RUVBL1: variants seen among roughly 807,000 people sequenced by gnomAD.
The protein encoded by RUVBL1 is ruvB-like 1.
Under a neutral mutation model 52.4 loss-of-function variants are expected in RUVBL1, and 4 were observed. The observed-to-expected ratio is 0.08, with a 90% CI of 0.04 to 0.17. The LOEUF is 0.17. Ranked by LOEUF, RUVBL1 falls within the 10% of genes least tolerant of loss-of-function variation. RUVBL1 has a pLI of 1.00. For missense variants in RUVBL1, 298 were observed against 572.8 expected (o/e 0.52, Z 4.90); for synonymous variants, 217 against 214.4 (o/e 1.01, Z -0.10).
At chr3:128,127,292 A>G (rs1195797997), upstream of RUVBL1, among the ~76,000 whole-genome samples, 2 of 152,244 alleles carry the variant, frequency 1.3e-5, no homozygotes, top group Non-Finnish European at 2.9e-5. Context: ...CTGAAAATCC[A>G]TATCAATGTA....
At chr3:128,141,441 T>C (rs1402811295) in intron 1 of RUVBL1, among the ~76,000 whole-genome samples, 1 of 151,478 alleles carries the variant, frequency 6.6e-6, no homozygotes, top group Non-Finnish European at 1.5e-5. Context: ...GGGAGGGGCA[T>C]AACACATGGT....
chr3:128,143,802 G>A (rs1298457494), intron 1 of RUVBL1, among the ~76,000 whole-genome samples: 1 of 152,164 alleles, frequency 6.6e-6, no homozygotes, highest in Non-Finnish European at 1.5e-5. Flanking sequence ...GCTCATCCCT[G>A]GAACTGAGAC....
chr3:128,104,717 A>G, intron 4 of RUVBL1, 56 bp downstream of exon 4: 1 of 1,507,206 alleles, frequency 6.6e-7, no homozygotes, highest in Non-Finnish European at 9.0e-7. Context: ...CCACCTGCCC[A>G]AAGCCACACA....
rs137941230 is a variant in RUVBL1 at position 128,097,019 on chromosome 3, G to A, written c.1016+281C>T. On this transcript the variant is annotated intron_variant, in intron 8 of 10. Transcript: ENST00000322623. Reference sequence around the variant, plus strand: ...TATAATGTCATCAAAGGCTAGCCCTGTCTGATCTCACCTTTGTACACTCCA... The same window carrying A: ...TATAATGTCATCAAAGGCTAGCCCTATCTGATCTCACCTTTGTACACTCCA... Among the ~76,000 whole-genome samples the A allele has an allele frequency of 3.5e-4, 54 of 152,278 alleles. 1 individual carries two copies. In the East Asian group the frequency reaches 9.7e-3, roughly 27 times the overall value.
chr3:128,102,806 A>C (rs1943135096), intron 4 of RUVBL1, among the ~76,000 whole-genome samples: 1 of 152,258 alleles, frequency 6.6e-6, no homozygotes, highest in Admixed American at 6.5e-5. Context: ...TTGTATACTT[A>C]AAATGGGTGA....
Position 128,067,595 on chromosome 3 carries a change from G to C in RUVBL1, c.940-2375C>G. On this transcript the variant is annotated intron_variant, in intron 9 of 9. Transcript: ENST00000464873. This position sits in a 1 kb window ranked among gnomAD's most constrained non-coding sequence, Gnocchi z 4.1. ...CTCCAAAACGTGGATTGAGGTCTCA[G>C]GTTCCTCTGCCAAAGATGTAAGTAG... is the stretch of plus-strand genomic sequence containing the variant. 1 of 1,611,390 alleles carries C rather than the reference G, an allele frequency of 6.2e-7. No homozygotes were observed. The highest frequency in any genetic ancestry group is 8.5e-7 in the Non-Finnish European group (1 of 1,178,718).
chr3:128,123,756 GA>G lies in RUVBL1; in HGVS notation c.-33del. On this transcript the variant is annotated 5_prime_UTR_variant, in exon 1 of 11. Transcript: ENST00000322623. ...GACGCCGGGAGCTAAAACCAGCGTGGAAAACCAGCAGCTAGGACAGTGCGCC... is the reference window on the plus strand; with the variant it reads ...GACGCCGGGAGCTAAAACCAGCGTGGAAACCAGCAGCTAGGACAGTGCGCC... The G allele has an allele frequency of 6.3e-7, 1 of 1,583,250 alleles. No homozygotes were observed. The highest frequency in any genetic ancestry group is 8.6e-7 in the Non-Finnish European group (1 of 1,159,892).
At chr3:128,103,074 C>A (rs1353781079) in intron 4 of RUVBL1, among the ~76,000 whole-genome samples, 2 of 152,194 alleles carry the variant, frequency 1.3e-5, no homozygotes, top group Non-Finnish European at 2.9e-5. Context: ...AGTATTTGAG[C>A]ACCTTCTATC....
intron 1 of RUVBL1, among the ~76,000 whole-genome samples, chr3:128,135,794 C>A (rs1456778249): frequency 2.0e-5 from 3 of 152,172 alleles, no homozygotes; most frequent in Non-Finnish European, 4.4e-5. Flanking sequence ...CGTACACAGA[C>A]AACCACAGAG....
chr3:128,137,989 A>G (rs1030839687), intron 1 of RUVBL1, among the ~76,000 whole-genome samples: 3 of 152,154 alleles, frequency 2.0e-5, no homozygotes, highest in African/African-American at 7.2e-5. Flanking sequence ...ATAAAATTCA[A>G]TATCCTACTA....
intron 1 of RUVBL1, among the ~76,000 whole-genome samples, chr3:128,146,397 T>C (rs1269446887): frequency 6.6e-6 from 1 of 151,894 alleles, no homozygotes; most frequent in Non-Finnish European, 1.5e-5. Flanking sequence ...CAAGTGTGTG[T>C]GCGTGCATCT....
chr3:128,104,696 G>C, intron 4 of RUVBL1, 77 bp downstream of exon 4: 1 of 1,310,244 alleles, frequency 7.6e-7, no homozygotes, highest in East Asian at 2.4e-5. Context: ...CTGGGATGCA[G>C]AGAGGTTACA....
chr3:128,133,571 C>T (rs888057151), intron 1 of RUVBL1, among the ~76,000 whole-genome samples: 3 of 152,170 alleles, frequency 2.0e-5, no homozygotes, highest in East Asian at 1.9e-4. Context: ...TGGGAAAGTA[C>T]GGGAAGAGAA....
At chr3:128,142,979 C>A (rs2955093) in intron 1 of RUVBL1, among the ~76,000 whole-genome samples, 23,136 of 151,982 alleles carry the variant, frequency 0.15, 1,870 homozygotes, top group Admixed American at 0.2. Context: ...CGGGGTTTTA[C>A]CATGTTGGCC....
At position 128,119,886 on chromosome 3, in the gene RUVBL1, A is replaced by AGAT. The variant is rs1180191607; in HGVS notation, c.142-475_142-473dup. Among the ~76,000 whole-genome samples the AGAT allele has an allele frequency of 5.3e-5, 8 of 152,368 alleles. No homozygotes were observed. The East Asian group carries it at 1.5e-3, about 29-fold the overall frequency. ...CAAAGTATAGCGAAAAAGACCAGGAAGATGAGGTTGAAGAGGTAGACAGCG... is the reference window on the plus strand; with the variant it reads ...CAAAGTATAGCGAAAAAGACCAGGAAGATGATGAGGTTGAAGAGGTAGACAGCG... On this transcript the variant is annotated intron_variant, in intron 1 of 10. Transcript: ENST00000322623.
chr3:128,097,977 A>AT (rs1943024132), intron 7 of RUVBL1, among the ~76,000 whole-genome samples: 1 of 152,198 alleles, frequency 6.6e-6, no homozygotes. Context: ...GCTTAGGTTA[A>AT]TTAACTTTCA....
At chr3:128,138,448 T>C (rs1943976659) in intron 1 of RUVBL1, among the ~76,000 whole-genome samples, 1 of 151,488 alleles carries the variant, frequency 6.6e-6, no homozygotes, top group African/African-American at 2.4e-5. Flanking sequence ...ATCAAGAAAA[T>C]CCCATTTGCA....
At chr3:128,133,847 C>T (rs1193462830) in intron 1 of RUVBL1, among the ~76,000 whole-genome samples, 1 of 152,150 alleles carries the variant, frequency 6.6e-6, no homozygotes, top group Non-Finnish European at 1.5e-5. Context: ...CAGATATTGA[C>T]AAATATCCAC....
intron 9 of RUVBL1, among the ~76,000 whole-genome samples, chr3:128,086,537 G>C (rs1942650619): frequency 6.6e-6 from 1 of 152,224 alleles, no homozygotes; most frequent in South Asian, 2.1e-4. Flanking sequence ...GAGAACATTT[G>C]GGGCAAAGGT....
Sources: gnomAD v4.1 joint callset for allele counts (sites outside exome capture counted in the v4.1 genomes callset) on GRCh38, gnomAD v4.1.1 for gene constraint, Gnocchi (gnomAD v3.1) non-coding constraint, MANE v1.5 for transcripts, NCBI Gene and HGNC (gene_info 2026-07-23, HGNC 2026-07-21) for gene names.